Variants in RPS6KA5 observed in about 807,000 individuals in gnomAD.
The protein encoded by RPS6KA5 is ribosomal protein S6 kinase alpha-5.
A neutral mutation model predicts 85.5 loss-of-function variants in RPS6KA5; 27 were observed. The ratio of observed to expected loss-of-function variants is 0.32; its 90% CI spans 0.23 to 0.44. The LOEUF is 0.44. Among genes scored for constraint, RPS6KA5 ranks in the 20% least tolerant of loss-of-function variants. The pLI, the probability that RPS6KA5 is intolerant of heterozygous loss-of-function variation, is 1.00. For synonymous variants in RPS6KA5, 334 were observed against 348.2 expected, an observed-to-expected ratio of 0.96 and a Z score of 0.46; for missense variants, 811 against 980.9, an observed-to-expected ratio of 0.83 and a Z score of 2.31.
At position 90,850,606 on chromosome 14, in the gene RPS6KA5, G is replaced by T. The variant is rs898412325; in HGVS notation, c.*21468C>A. On this transcript the variant is annotated 3_prime_UTR_variant, in exon 17 of 17. Coordinates refer to ENST00000614987, the MANE Select transcript of RPS6KA5 (RefSeq NM_004755.4). ...GTTTTAGAAAGTTCTTGAACAAAAG[G>T]TACACATCAAAGTAGTGAGGTAGCA... is the stretch of plus-strand genomic sequence containing the variant. 4 of 152,154 alleles carry T rather than the reference G, an allele frequency of 2.6e-5. No individual in the cohort carries two copies. Among genetic ancestry groups the T allele is most frequent in the Admixed American group, 6.5e-5 (1 of 15,268 alleles). The allele number at this position is 152,154 out of a possible 1,614,324, so 9.4% of individuals were successfully genotyped here.
At chr14:90,954,933 T>C (rs2038421823) in intron 3 of RPS6KA5, among the ~76,000 whole-genome samples, 2 of 152,226 alleles carry the variant, frequency 1.3e-5, no homozygotes, top group Admixed American at 1.3e-4. Flanking sequence ...GTAAGGTCAA[T>C]AGTAATGTCC....
Position 90,871,882 on chromosome 14 carries a change from T to C in RPS6KA5, c.*192A>G. 4 of 631,836 alleles carry C rather than the reference T, an allele frequency of 6.3e-6. No homozygotes were observed. The South Asian group carries it at 6.7e-5, about 11-fold the overall frequency. 39.1% of individuals were successfully genotyped at this position (631,836 alleles called of 1,614,324 possible). On this transcript the variant is annotated 3_prime_UTR_variant, in exon 17 of 17. Transcript: ENST00000614987. The stretch of plus-strand genomic sequence containing the variant: ...GGTTGCTAAAAAGAGTAATATGTGC[T>C]CTATTCACAGTAACATTCTCTGTCC...
intron 3 of RPS6KA5, among the ~76,000 whole-genome samples, chr14:90,961,972 G>C (rs1283070452): frequency 6.6e-6 from 1 of 152,186 alleles, no homozygotes; most frequent in African/African-American, 2.4e-5. Flanking sequence ...CCAGAGATTA[G>C]AACCTCAAAG....
rs981988388 is a variant in RPS6KA5 at position 90,853,730 on chromosome 14, C to T, written c.*18344G>A. The T allele has an allele frequency of 7.4e-5, 11 of 148,858 alleles. No homozygotes were observed. Among genetic ancestry groups the T allele is most frequent in the Non-Finnish European group, 1.3e-4 (9 of 67,308 alleles). 9.2% of individuals were successfully genotyped at this position (148,858 alleles called of 1,614,324 possible). A position where few individuals can be genotyped will look rare whatever the true frequency, so the allele number is the denominator to read the frequency against. On this transcript the variant is annotated 3_prime_UTR_variant, in exon 17 of 17. Transcript: ENST00000614987. ...TGAAGTCTCTATATTAAATCAAAAT[C>T]GTAACCATCTTGAAAGCTAAATTAA...
chr14:90,948,555 C>T (rs573607819), intron 3 of RPS6KA5, among the ~76,000 whole-genome samples: 5 of 151,948 alleles, frequency 3.3e-5, no homozygotes, highest in African/African-American at 9.7e-5. Context: ...ATTAATCGGG[C>T]GTGGTGGCAG....
chr14:90,995,441 A>G (rs1230380192), intron 2 of RPS6KA5, among the ~76,000 whole-genome samples: 1 of 151,980 alleles, frequency 6.6e-6, no homozygotes, highest in Non-Finnish European at 1.5e-5. Flanking sequence ...TTTCCCCTCT[A>G]TCTCCCTTTG....
intron 2 of RPS6KA5, among the ~76,000 whole-genome samples, chr14:90,995,529 G>A (rs1346801654): frequency 2.6e-5 from 4 of 152,114 alleles, no homozygotes; most frequent in Non-Finnish European, 5.9e-5. Context: ...CTTAGAAGCT[G>A]TCTCCTATAT....
Position 90,850,543 on chromosome 14 carries a change from T to C in RPS6KA5, c.*21531A>G, listed in dbSNP as rs1184249724. The C allele has an allele frequency of 2.7e-5, 4 of 150,352 alleles. No homozygotes were observed. Among genetic ancestry groups the C allele is most frequent in the South Asian group, 2.1e-4 (1 of 4,810 alleles). The allele number at this position is 150,352 out of a possible 1,614,324, so 9.3% of individuals were successfully genotyped here. On this transcript the variant is annotated 3_prime_UTR_variant, in exon 17 of 17. Transcript: ENST00000614987. ...ATGGAATTCAATAAAAAACTTAAAA[T>C]GCTTACATCTTCTGAAATAACCCAT...
At chr14:91,043,215 T>G (rs1278803337) in intron 1 of RPS6KA5, among the ~76,000 whole-genome samples, 2 of 152,206 alleles carry the variant, frequency 1.3e-5, no homozygotes, top group African/African-American at 4.8e-5. Flanking sequence ...TCTTAGCAAC[T>G]CTTTTTCTAT....
intron 3 of RPS6KA5, among the ~76,000 whole-genome samples, chr14:90,977,973 T>C (rs1274600428): frequency 6.6e-6 from 1 of 152,140 alleles, no homozygotes; most frequent in South Asian, 2.1e-4. Context: ...GAGAATCACC[T>C]GAACCTGGGA....
intron 5 of RPS6KA5, among the ~76,000 whole-genome samples, chr14:90,926,433 A>C (rs1211338780): frequency 6.6e-6 from 1 of 152,012 alleles, no homozygotes; most frequent in African/African-American, 2.4e-5. Flanking sequence ...AATTTACTAA[A>C]GACTTAGTAA....
rs73326528 is a variant in RPS6KA5, at chr14:90,967,563, G to A, written c.394+10743C>T. 5.3e-3 allele frequency among the ~76,000 whole-genome samples: 808 copies of A among 152,236 alleles called. 2 individuals carry two copies. The highest frequency in any genetic ancestry group is 0.019 in the African/African-American group (769 of 41,522). On this transcript the variant is annotated intron_variant, in intron 3 of 16. Coordinates refer to ENST00000614987, the MANE Select transcript of RPS6KA5 (RefSeq NM_004755.4). ...GGTCATAATTTTAAGACTTATGAAT[G>A]TTTAACATATATTTCCATAAAGTAC...
At chr14:91,004,187 G>T (rs1331800036) in intron 1 of RPS6KA5, among the ~76,000 whole-genome samples, 1 of 152,130 alleles carries the variant, frequency 6.6e-6, no homozygotes, top group Non-Finnish European at 1.5e-5. Context: ...CCGGGTTCAC[G>T]CCATTCTCCT....
intron 1 of RPS6KA5, among the ~76,000 whole-genome samples, chr14:91,014,009 T>C (rs527718179): frequency 5.9e-5 from 9 of 152,300 alleles, no homozygotes; most frequent in Admixed American, 5.9e-4. Flanking sequence ...ACAATGATAA[T>C]CCTGGTGACC....
chr14:91,002,187 G>A (rs141376043), intron 1 of RPS6KA5, among the ~76,000 whole-genome samples: 23 of 151,980 alleles, frequency 1.5e-4, no homozygotes, highest in African/African-American at 4.8e-4. Context: ...TGTAAAATGG[G>A]CATAAAAACA....
chr14:90,981,131 A>C (rs1335293661), intron 2 of RPS6KA5, among the ~76,000 whole-genome samples: 1 of 152,262 alleles, frequency 6.6e-6, no homozygotes, highest in African/African-American at 2.4e-5. Context: ...AGAGCGTGCC[A>C]TCGCACTGCA....
intron 1 of RPS6KA5, among the ~76,000 whole-genome samples, chr14:91,040,425 T>A (rs571264942): frequency 6.6e-6 from 1 of 152,006 alleles, no homozygotes; most frequent in Non-Finnish European, 1.5e-5. Flanking sequence ...TAAATTAAAT[T>A]GAATTAAATT....
At chr14:90,991,723 AGAG>A (rs1428598673) in intron 2 of RPS6KA5, among the ~76,000 whole-genome samples, 1 of 146,540 alleles carries the variant, frequency 6.8e-6, no homozygotes, top group Non-Finnish European at 1.5e-5. Flanking sequence ...AAAAAAAAGA[AGAG>A]AGATAAAGAG....
intron 1 of RPS6KA5, among the ~76,000 whole-genome samples, chr14:91,023,794 C>T (rs913128740): frequency 2.6e-5 from 4 of 151,986 alleles, no homozygotes; most frequent in Non-Finnish European, 5.9e-5. Flanking sequence ...TGCCTAAAGC[C>T]CTGAGGATTT....
Sources: gnomAD v4.1 joint callset for allele counts (sites outside exome capture counted in the v4.1 genomes callset) on GRCh38, gnomAD v4.1.1 for gene constraint, MANE v1.5 for transcripts, NCBI Gene and HGNC (gene_info 2026-07-23, HGNC 2026-07-21) for gene names.